Variants in DOCK4 observed in about 807,000 individuals in gnomAD.
The protein encoded by DOCK4 is dedicator of cytokinesis 4, also known as dedicator of cytokinesis protein 4.
A neutral mutation model predicts 268.1 loss-of-function variants in DOCK4; 97 were observed. The observed-to-expected ratio is 0.36, with a 90% CI of 0.31 to 0.43. DOCK4 has a LOEUF of 0.43. DOCK4 is among the 20% of genes least tolerant of loss of function. The pLI is 1.00. For missense variants in DOCK4, 2,145 were observed against 2,455.7 expected (o/e 0.87, Z 2.67); for synonymous variants, 954 against 887.2 (o/e 1.08, Z -1.34).
intron 1 of DOCK4, among the ~76,000 whole-genome samples, chr7:112,133,351 T>C: frequency 6.6e-6 from 1 of 152,328 alleles, no homozygotes; most frequent in South Asian, 2.1e-4. Flanking sequence ...CTTTTTCATA[T>C]AAATGAGCAC....
intron 1 of DOCK4, among the ~76,000 whole-genome samples, chr7:112,202,720 C>G (rs1484958258): frequency 6.6e-6 from 1 of 151,192 alleles, no homozygotes; most frequent in African/African-American, 2.4e-5. Context: ...TGAATAGCCA[C>G]TGCACTCCAG....
intron 1 of DOCK4, among the ~76,000 whole-genome samples, chr7:112,186,685 A>C (rs1819517206): frequency 1.3e-5 from 2 of 152,244 alleles, no homozygotes; most frequent in African/African-American, 4.8e-5. Context: ...AGAAATGGAA[A>C]TTAAAGAATC....
At chr7:111,729,496 C>T (rs992027218) in intron 52 of DOCK4, among the ~76,000 whole-genome samples, 2 of 151,994 alleles carry the variant, frequency 1.3e-5, no homozygotes, top group East Asian at 1.9e-4. Flanking sequence ...TGCAGTGAGC[C>T]GTGGAGCCAC....
At chr7:112,020,712 A>C in intron 1 of DOCK4, among the ~76,000 whole-genome samples, 1 of 150,856 alleles carries the variant, frequency 6.6e-6, no homozygotes. Context: ...AAAAAAATTA[A>C]GGAAATTTAA....
Position 111,901,809 on chromosome 7 carries a change from G to A in DOCK4, c.1193-8C>T. The A allele has an allele frequency of 6.5e-7, 1 of 1,541,624 alleles. No homozygotes were observed. Among genetic ancestry groups the A allele is most frequent in the Non-Finnish European group, 8.9e-7 (1 of 1,126,830 alleles). On this transcript the variant is annotated splice_polypyrimidine_tract_variant and splice_region_variant and intron_variant, in intron 13 of 52. Transcript: ENST00000428084. ...AATCATTCCTCATTTCACCTATAAG[G>A]AAAGGAAAATTAAAACCATGTTATA...
At chr7:112,094,465 T>C (rs942177493) in intron 1 of DOCK4, among the ~76,000 whole-genome samples, 2 of 152,198 alleles carry the variant, frequency 1.3e-5, no homozygotes, top group Non-Finnish European at 2.9e-5. Context: ...GTACTGCAAA[T>C]TGGAAAAGAA....
chr7:112,103,843 T>C (rs1299126132), intron 1 of DOCK4, among the ~76,000 whole-genome samples: 1 of 152,004 alleles, frequency 6.6e-6, no homozygotes. Flanking sequence ...GATCATACCA[T>C]TGCACTCCAG....
chr7:111,990,615 T>G (rs29471), intron 5 of DOCK4, among the ~76,000 whole-genome samples: 68,509 of 151,984 alleles, frequency 0.45, 15,786 homozygotes, highest in African/African-American at 0.51. Flanking sequence ...AAAAGCATTC[T>G]CCAGGATGCC....
intron 8 of DOCK4, among the ~76,000 whole-genome samples, chr7:111,975,453 A>T (rs1427033975): frequency 6.6e-6 from 1 of 152,216 alleles, no homozygotes; most frequent in African/African-American, 2.4e-5. Context: ...CATATAAACA[A>T]ATATTATCTC....
intron 40 of DOCK4, among the ~76,000 whole-genome samples, chr7:111,759,865 A>C (rs1797266446): frequency 6.6e-6 from 1 of 152,000 alleles, no homozygotes; most frequent in African/African-American, 2.4e-5. Flanking sequence ...TTTCCACAGG[A>C]TATGTCAAAG....
intron 51 of DOCK4, 139 bp downstream of exon 51, chr7:111,734,915 G>T (rs771194343): frequency 6.9e-5 from 47 of 681,670 alleles, no homozygotes; most frequent in Non-Finnish European, 1.0e-4. Flanking sequence ...GGAGACAATT[G>T]TCAAGGAATT....
chr7:112,015,121 A>G (rs1054325277), intron 1 of DOCK4, among the ~76,000 whole-genome samples: 2 of 152,186 alleles, frequency 1.3e-5, no homozygotes, highest in African/African-American at 4.8e-5. Flanking sequence ...CTGATAAAAT[A>G]AGATGTGGTA....
chr7:111,884,796 T>C (rs1284142652), intron 16 of DOCK4, among the ~76,000 whole-genome samples: 1 of 152,158 alleles, frequency 6.6e-6, no homozygotes, highest in African/African-American at 2.4e-5. Flanking sequence ...CTAGAAATCA[T>C]TCACTCTTTC....
intron 1 of DOCK4, among the ~76,000 whole-genome samples, chr7:112,176,107 C>A (rs116989992): frequency 6.6e-6 from 1 of 152,170 alleles, no homozygotes; most frequent in African/African-American, 2.4e-5. Flanking sequence ...TTATTTCAAT[C>A]ATTCCTTTGT....
chr7:112,167,432 A>G (rs866703516), intron 1 of DOCK4, among the ~76,000 whole-genome samples: 2 of 148,126 alleles, frequency 1.4e-5, no homozygotes, highest in Non-Finnish European at 3.0e-5. Flanking sequence ...CCACCTTTAC[A>G]AAAAAAAAAA....
chr7:112,033,348 T>C (rs1027711490), intron 1 of DOCK4, among the ~76,000 whole-genome samples: 1 of 152,146 alleles, frequency 6.6e-6, no homozygotes, highest in African/African-American at 2.4e-5. Context: ...TGTGGATTTT[T>C]GAATACTCCC....
intron 1 of DOCK4, among the ~76,000 whole-genome samples, chr7:112,041,904 C>G (rs1804398604): frequency 6.6e-6 from 1 of 152,248 alleles, no homozygotes; most frequent in South Asian, 2.1e-4. Flanking sequence ...AAGCTGTACC[C>G]CACTGGAATG....
intron 1 of DOCK4, among the ~76,000 whole-genome samples, chr7:112,139,176 T>C (rs1006255636): frequency 1.3e-5 from 2 of 152,086 alleles, no homozygotes; most frequent in African/African-American, 4.8e-5. Flanking sequence ...CTGTAACCAA[T>C]TTGTGTACAT....
At chr7:111,898,466 T>A (rs1222759173) in intron 15 of DOCK4, among the ~76,000 whole-genome samples, 1 of 152,240 alleles carries the variant, frequency 6.6e-6, no homozygotes, top group South Asian at 2.1e-4. Flanking sequence ...TCACTTGCTA[T>A]CTGATGTACT....
Sources: gnomAD v4.1 joint callset for allele counts (sites outside exome capture counted in the v4.1 genomes callset) on GRCh38, gnomAD v4.1.1 for gene constraint, MANE v1.5 for transcripts, NCBI Gene and HGNC (gene_info 2026-07-23, HGNC 2026-07-21) for gene names.